The following ANO3 variants were observed in gnomAD, a reference collection of about 807,000 sequenced individuals.
ANO3 encodes the protein anoctamin 3.
In ANO3, 99 loss-of-function variants were observed where a neutral mutation model predicts 144.8. That is an observed-to-expected ratio of 0.68 (90% CI 0.58 to 0.81). ANO3 has a LOEUF of 0.81. Ranked by LOEUF, ANO3 falls within the 30% of genes least tolerant of loss-of-function variation. ANO3 has a pLI of 0.00. For synonymous variants in ANO3, 414 were observed against 392.6 expected (o/e 1.05, Z -0.64); for missense variants, 905 against 1,202.2 (o/e 0.75, Z 3.66).
chr11:26,557,460 CAA>C (rs527754155), intron 13 of ANO3, among the ~76,000 whole-genome samples: 27 of 108,638 alleles, frequency 2.5e-4, no homozygotes, highest in East Asian at 8.7e-4. Flanking sequence ...GACTCTGTCT[CAA>C]AAAAAAAAAA....
At chr11:26,254,320 C>G (rs1288909846) in intron 1 of ANO3, among the ~76,000 whole-genome samples, 1 of 151,956 alleles carries the variant, frequency 6.6e-6, no homozygotes, top group African/African-American at 2.4e-5. Context: ...CTAGAATGAC[C>G]TCAAATCGAG....
chr11:26,415,417 C>A (rs973093889), intron 1 of ANO3, among the ~76,000 whole-genome samples: 2 of 151,832 alleles, frequency 1.3e-5, no homozygotes, highest in African/African-American at 4.8e-5. Context: ...TGCAAAGGGC[C>A]TATAATTTAT....
intron 3 of ANO3, among the ~76,000 whole-genome samples, chr11:26,448,316 G>T (rs1382810999): frequency 1.3e-4 from 12 of 92,952 alleles, no homozygotes; most frequent in South Asian, 3.8e-4. Context: ...AAAAAAAAAA[G>T]AAAGAAATAT....
At chr11:26,198,149 A>T (rs534904377) in intron 1 of ANO3, among the ~76,000 whole-genome samples, 2 of 152,256 alleles carry the variant, frequency 1.3e-5, no homozygotes, top group South Asian at 4.1e-4. Flanking sequence ...GGGATTGAGG[A>T]TGGTTCTGGA....
chr11:26,251,412 T>C (rs76325441), intron 1 of ANO3, among the ~76,000 whole-genome samples: 2,803 of 152,314 alleles, frequency 0.018, 70 homozygotes, highest in East Asian at 0.13. Context: ...TGAAAATCTC[T>C]TTTATAATCC....
chr11:26,603,282 AATTTTT>A (rs1851847073), intron 17 of ANO3, among the ~76,000 whole-genome samples: 2 of 152,058 alleles, frequency 1.3e-5, no homozygotes, highest in Non-Finnish European at 2.9e-5. Flanking sequence ...GAATACAAGT[AATTTTT>A]ATTTTCTTTA....
intron 6 of ANO3, among the ~76,000 whole-genome samples, chr11:26,519,019 T>C (rs1453334976): frequency 6.6e-6 from 1 of 152,128 alleles, no homozygotes; most frequent in East Asian, 1.9e-4. Flanking sequence ...TGTTTTCTAA[T>C]ATCAGGACAA....
intron 1 of ANO3, among the ~76,000 whole-genome samples, chr11:26,403,490 T>A (rs1412449098): frequency 6.6e-6 from 1 of 151,912 alleles, no homozygotes; most frequent in Non-Finnish European, 1.5e-5. Flanking sequence ...TAGGACCTTT[T>A]TACTGCACCT....
chr11:26,311,090 G>A (rs913359286), intron 1 of ANO3, among the ~76,000 whole-genome samples: 2 of 152,136 alleles, frequency 1.3e-5, no homozygotes, highest in Non-Finnish European at 2.9e-5. Flanking sequence ...AAATTAGAAA[G>A]GAGAAATGGG....
chr11:26,360,272 A>G (rs1470613925), intron 1 of ANO3, among the ~76,000 whole-genome samples: 1 of 141,052 alleles, frequency 7.1e-6, no homozygotes, highest in Non-Finnish European at 1.5e-5. Flanking sequence ...TTCACTTTGC[A>G]GTCTTTCTTA....
intron 1 of ANO3, among the ~76,000 whole-genome samples, chr11:26,407,051 T>G (rs1478588390): frequency 1.3e-4 from 10 of 74,370 alleles, no homozygotes; most frequent in Non-Finnish European, 2.3e-4. Context: ...TATATGGGTG[T>G]GTGTGTGTGT....
chr11:26,510,982 T>C (rs1315924752), intron 5 of ANO3, among the ~76,000 whole-genome samples: 1 of 152,194 alleles, frequency 6.6e-6, no homozygotes, highest in Non-Finnish European at 1.5e-5. Flanking sequence ...TCCATTTGTC[T>C]ACTCTTATTC....
intron 23 of ANO3, among the ~76,000 whole-genome samples, chr11:26,646,460 A>G (rs532787080): frequency 2.0e-5 from 3 of 152,260 alleles, no homozygotes; most frequent in Non-Finnish European, 2.9e-5. Context: ...TTTAAGATGT[A>G]TCAGATTAAT....
chr11:26,317,784 T>C (rs1240414098), intron 1 of ANO3, among the ~76,000 whole-genome samples: 3 of 152,224 alleles, frequency 2.0e-5, no homozygotes, highest in Non-Finnish European at 2.9e-5. Flanking sequence ...TTATAAATCA[T>C]GTGACTATAA....
chr11:26,198,395 T>C (rs1012008361), intron 1 of ANO3, among the ~76,000 whole-genome samples: 1 of 152,140 alleles, frequency 6.6e-6, no homozygotes, highest in Non-Finnish European at 1.5e-5. Context: ...AATGGTCATT[T>C]AAGGGAGAAA....
chr11:26,472,600 G>T (rs937589759), intron 4 of ANO3, among the ~76,000 whole-genome samples: 1 of 151,874 alleles, frequency 6.6e-6, no homozygotes, highest in Non-Finnish European at 1.5e-5. Flanking sequence ...TGGGTAGTTA[G>T]GGGTCATGTT....
chr11:26,572,774 A>G (rs1850877824), intron 14 of ANO3, among the ~76,000 whole-genome samples: 1 of 152,134 alleles, frequency 6.6e-6, no homozygotes, highest in Non-Finnish European at 1.5e-5. Flanking sequence ...AATAATCATC[A>G]TGACTGAGAT....
At chr11:26,243,892 C>T (rs1903458) in intron 1 of ANO3, among the ~76,000 whole-genome samples, 5 of 151,700 alleles carry the variant, frequency 3.3e-5, no homozygotes, top group East Asian at 1.9e-4. Flanking sequence ...GGCCGAGGTG[C>T]GCAGATCAAG....
chr11:26,229,296 A>T (rs770010240), intron 1 of ANO3, among the ~76,000 whole-genome samples: 7 of 152,238 alleles, frequency 4.6e-5, no homozygotes, highest in Non-Finnish European at 8.8e-5. Context: ...CATAATCATC[A>T]TCAAAAGTGT....
Sources: allele counts gnomAD v4.1 joint callset (sites outside exome capture counted in the v4.1 genomes callset), GRCh38; gene constraint gnomAD v4.1.1; transcripts MANE v1.5; gene names NCBI Gene and HGNC (gene_info 2026-07-23, HGNC 2026-07-21).